The following HDAC9 variants were observed in gnomAD, a reference collection of about 807,000 sequenced individuals.
HDAC9 encodes histone deacetylase 9.
Under a neutral mutation model 139.4 loss-of-function variants are expected in HDAC9, and 41 were observed. The ratio of observed to expected loss-of-function variants is 0.29; its 90% CI spans 0.23 to 0.38. The LOEUF (loss-of-function observed/expected upper bound fraction) is 0.38. Ranked by LOEUF, HDAC9 falls within the 10% of genes least tolerant of loss-of-function variation. HDAC9 has a pLI of 1.00. For synonymous variants in HDAC9, 517 were observed against 476.2 expected (o/e 1.09, Z -1.12); for missense variants, 1,147 against 1,297.0 (o/e 0.88, Z 1.78).
At chr7:18,690,508 T>A (rs1782596560) in intron 12 of HDAC9, among the ~76,000 whole-genome samples, 1 of 151,994 alleles carries the variant, frequency 6.6e-6, no homozygotes, top group African/African-American at 2.4e-5. Context: ...TTCTTTAATG[T>A]TTGGCACAAT....
At chr7:18,890,722 A>T (rs1800607555) in intron 22 of HDAC9, among the ~76,000 whole-genome samples, 1 of 152,214 alleles carries the variant, frequency 6.6e-6, no homozygotes, top group South Asian at 2.1e-4. Context: ...CAGATTTTTT[A>T]AACTAAAAAG....
chr7:18,181,941 A>T (rs1789469202), intron 2 of HDAC9, among the ~76,000 whole-genome samples: 1 of 152,260 alleles, frequency 6.6e-6, no homozygotes, highest in Non-Finnish European at 1.5e-5. Context: ...ATGAGATCAC[A>T]TCTGGCTCAA....
chr7:18,632,057 A>G (rs1318795973), intron 7 of HDAC9, among the ~76,000 whole-genome samples: 2 of 151,840 alleles, frequency 1.3e-5, no homozygotes, highest in Admixed American at 1.3e-4. Flanking sequence ...TTTAAAAAAT[A>G]TGGAAATGGA....
intron 2 of HDAC9, among the ~76,000 whole-genome samples, chr7:18,211,761 T>C (rs1791953832): frequency 6.6e-6 from 1 of 152,142 alleles, no homozygotes. Context: ...ATTGTGATTA[T>C]TGTGGTGAAT....
chr7:18,307,364 A>G (rs774760085), intron 1 of HDAC9, among the ~76,000 whole-genome samples: 1 of 152,230 alleles, frequency 6.6e-6, no homozygotes, highest in Admixed American at 6.5e-5. Flanking sequence ...CATCTTGAAC[A>G]CATTGAATTT....
intron 25 of HDAC9, among the ~76,000 whole-genome samples, chr7:18,982,909 A>C (rs1045959195): frequency 6.6e-6 from 1 of 152,170 alleles, no homozygotes; most frequent in African/African-American, 2.4e-5. Flanking sequence ...GCTTGCTTAC[A>C]CTTTGAGGGC....
chr7:18,236,740 C>T (rs980242674), intron 2 of HDAC9, among the ~76,000 whole-genome samples: 9 of 151,990 alleles, frequency 5.9e-5, no homozygotes, highest in Non-Finnish European at 1.2e-4. Context: ...TCATGATGTA[C>T]GGCTGTGGGG....
chr7:18,923,473 A>G (rs1440576628), intron 22 of HDAC9, among the ~76,000 whole-genome samples: 3 of 152,048 alleles, frequency 2.0e-5, no homozygotes, highest in Non-Finnish European at 4.4e-5. Flanking sequence ...ATTCTGGTAC[A>G]TACCCAGCTA....
chr7:18,146,878 G>A lies in HDAC9; in HGVS notation c.-96-15351G>A, dbSNP rs117419868. Among the ~76,000 whole-genome samples the A allele has an allele frequency of 7.7e-3, 1,168 of 152,198 alleles. 7 individuals are homozygous for A. Among genetic ancestry groups the A allele is most frequent in the Non-Finnish European group, 0.012 (833 of 67,992 alleles). On this transcript the variant is annotated intron_variant, in intron 1 of 12. Transcript: ENST00000417496. Reference sequence around the variant, plus strand: ...AATCCTCTCATAATGCCCTGGGGGCGTTAGACAGACATTGTCCCTTAAAAA... The same window carrying A: ...AATCCTCTCATAATGCCCTGGGGGCATTAGACAGACATTGTCCCTTAAAAA...
intron 6 of HDAC9, among the ~76,000 whole-genome samples, chr7:18,615,455 T>C (rs1042472786): frequency 2.0e-5 from 3 of 152,230 alleles, no homozygotes; most frequent in African/African-American, 7.2e-5. Flanking sequence ...TATTTTATGG[T>C]TAAATTAAAT....
intron 2 of HDAC9, among the ~76,000 whole-genome samples, chr7:18,538,934 G>A (rs556183902): frequency 7.2e-5 from 11 of 152,168 alleles, no homozygotes; most frequent in Non-Finnish European, 1.3e-4. Flanking sequence ...TTTACTGTGT[G>A]ATGCAGAGGC....
chr7:18,576,201 A>G (rs1304013561), intron 2 of HDAC9, among the ~76,000 whole-genome samples: 1 of 152,156 alleles, frequency 6.6e-6, no homozygotes. Context: ...AGTGGAGGAC[A>G]GGTATTATTG....
At chr7:18,839,729 A>G (rs1367688377) in intron 21 of HDAC9, among the ~76,000 whole-genome samples, 1 of 152,074 alleles carries the variant, frequency 6.6e-6, no homozygotes, top group Non-Finnish European at 1.5e-5. Flanking sequence ...TTATTGAACA[A>G]ATCTTTTGCT....
At chr7:18,259,054 C>T (rs891944524) in intron 2 of HDAC9, among the ~76,000 whole-genome samples, 2 of 144,438 alleles carry the variant, frequency 1.4e-5, no homozygotes, top group Non-Finnish European at 3.0e-5. Flanking sequence ...CCTGCAACCT[C>T]CGCCTCCTGG....
At chr7:18,559,733 A>G (rs1243231398) in intron 2 of HDAC9, among the ~76,000 whole-genome samples, 2 of 152,198 alleles carry the variant, frequency 1.3e-5, no homozygotes, top group Non-Finnish European at 2.9e-5. Context: ...GGTCTCAGCC[A>G]AATGAAAATA....
At chr7:18,705,621 C>T (rs1011461919) in intron 12 of HDAC9, among the ~76,000 whole-genome samples, 3 of 151,886 alleles carry the variant, frequency 2.0e-5, no homozygotes, top group Non-Finnish European at 4.4e-5. Context: ...GAGGCCGAAA[C>T]GGGCAGATTG....
chr7:18,428,032 A>T (rs1434414972), intron 1 of HDAC9, among the ~76,000 whole-genome samples: 1 of 152,146 alleles, frequency 6.6e-6, no homozygotes, highest in Non-Finnish European at 1.5e-5. Flanking sequence ...AATGTCCTCA[A>T]GTTCCATTCA....
chr7:18,437,853 A>T (rs1218040033), intron 1 of HDAC9, among the ~76,000 whole-genome samples: 1 of 151,362 alleles, frequency 6.6e-6, no homozygotes, highest in East Asian at 1.9e-4. Context: ...ATTAAAAATT[A>T]TTAACACTTT....
chr7:18,351,428 T>C lies in HDAC9; in HGVS notation c.-42+60913T>C, dbSNP rs78215366. Among the ~76,000 whole-genome samples the C allele has an allele frequency of 2.1e-3, 319 of 152,258 alleles. 6 individuals are homozygous for C. In the East Asian group the frequency reaches 0.054, roughly 26 times the overall value. On this transcript the variant is annotated intron_variant, in intron 1 of 3. Transcript: ENST00000413509. ...TATTTTTTAAGTTTCCTATGTGTTA[T>C]GAATTGTAAAATAAAACAAAAATCC...
Sources: allele counts gnomAD v4.1 joint callset (sites outside exome capture counted in the v4.1 genomes callset), GRCh38; gene constraint gnomAD v4.1.1; transcripts MANE v1.5; gene names NCBI Gene and HGNC (gene_info 2026-07-23, HGNC 2026-07-21).